Variants in AP4E1 observed in about 807,000 individuals in gnomAD.
AP4E1 encodes adaptor related protein complex 4 subunit epsilon 1.
A neutral mutation model predicts 128.2 loss-of-function variants in AP4E1; 56 were observed. That is an observed-to-expected ratio of 0.44 (90% CI 0.35 to 0.55). The LOEUF is 0.55. AP4E1 is among the 20% of genes least tolerant of loss of function. The pLI, the probability that AP4E1 is intolerant of heterozygous loss-of-function variation, is 0.00. For missense variants in AP4E1, 1,324 were observed against 1,307.7 expected (o/e 1.01, Z -0.19); for synonymous variants, 484 against 473.1 (o/e 1.02, Z -0.30).
chr15:50,912,161 T>C lies in AP4E1; in HGVS notation c.222+12T>C. The C allele has an allele frequency of 1.2e-6, 2 of 1,608,154 alleles. No individual in the cohort carries two copies. Among genetic ancestry groups the C allele is most frequent in the South Asian group, 1.1e-5 (1 of 90,788 alleles). ...CTACTACAACACTGGTAGGTTTGCA[T>C]AGTCAGTGCCAACACATTTGAATTT... is the stretch of plus-strand genomic sequence containing the variant. On this transcript the variant is annotated intron_variant, in intron 2 of 20. Coordinates refer to ENST00000261842, the MANE Select transcript of AP4E1 (RefSeq NM_007347.5).
chr15:50,949,930 T>C lies in AP4E1; in HGVS notation c.1421T>C (p.Leu474Pro). 1.2e-6 allele frequency: 2 copies of C among 1,611,656 alleles called. No homozygotes were observed. The highest frequency in any genetic ancestry group is 1.7e-6 in the Non-Finnish European group (2 of 1,177,848). The change falls in exon 12 of 21, where the codon CTA becomes CCA. Residue 474 changes from leucine (L) to proline (P), a missense_variant. By Grantham distance (98) the Leu-to-Pro change is moderately conservative. Coordinates refer to ENST00000261842, the MANE Select transcript of AP4E1 (RefSeq NM_007347.5). ...ATTCCCAATAACTTTCTGAGACTAC[T>C]AGCGGAAGGTTGGTACACTATTATA... is the stretch of plus-strand genomic sequence containing the variant. The part of the protein sequence containing the change: ...PDIPNNFLRL[L>P]AEGFDDETED...
intron 13 of AP4E1, among the ~76,000 whole-genome samples, chr15:50,951,726 C>CTTTT (rs71127166): frequency 3.7e-4 from 46 of 126,014 alleles, no homozygotes; most frequent in East Asian, 4.5e-4. Flanking sequence ...AATTTTCTTT[C>CTTTT]TTTTTTTTTT....
chr15:50,985,303 C>A (rs966250479), intron 16 of AP4E1, among the ~76,000 whole-genome samples: 12 of 152,180 alleles, frequency 7.9e-5, no homozygotes, highest in African/African-American at 2.9e-4. Context: ...TGCAGAAGCT[C>A]TTTCGTTTAA....
intron 3 of AP4E1, chr15:50,915,959 T>C (rs752062791): frequency 1.9e-5 from 4 of 207,822 alleles, no homozygotes; most frequent in Non-Finnish European, 2.9e-5. Flanking sequence ...ACAGAGTCTC[T>C]CTGTGTTGCC....
At chr15:50,968,470 T>A in intron 15 of AP4E1, 93 bp downstream of exon 15, 1 of 939,490 alleles carries the variant, frequency 1.1e-6, no homozygotes, top group Non-Finnish European at 1.6e-6. Context: ...ATATTTACTT[T>A]CTATTATTTC....
chr15:50,954,768 A>G (rs578091450), intron 13 of AP4E1, among the ~76,000 whole-genome samples: 57 of 152,316 alleles, frequency 3.7e-4, no homozygotes, highest in African/African-American at 1.3e-3. Context: ...ATATGTATAC[A>G]TGTGCCATGT....
intron 13 of AP4E1, among the ~76,000 whole-genome samples, chr15:50,955,505 T>C (rs1192756984): frequency 6.6e-6 from 1 of 152,242 alleles, no homozygotes; most frequent in Non-Finnish European, 1.5e-5. Context: ...TCAGTTCTTC[T>C]ATATCCTTGC....
At chr15:50,970,885 A>T (rs2064469116) in intron 15 of AP4E1, among the ~76,000 whole-genome samples, 1 of 151,970 alleles carries the variant, frequency 6.6e-6, no homozygotes, top group South Asian at 2.1e-4. Flanking sequence ...ATGGGCGAGG[A>T]TTTGCTGCTA....
In AP4E1 at chr15:51,002,717, T is replaced by G; in HGVS notation, c.*55T>G. 4 of 1,601,062 alleles carry G rather than the reference T, an allele frequency of 2.5e-6. No individual in the cohort carries two copies. The Admixed American group carries it at 6.7e-5, about 27-fold the overall frequency. On this transcript the variant is annotated 3_prime_UTR_variant, in exon 21 of 21. Transcript: ENST00000261842. The stretch of plus-strand genomic sequence containing the variant: ...AGATCAATGGTTTACATAGATAAAC[T>G]TATTTACCAAAGTAAAAAGAACTCA...
At chr15:50,925,521 G>A (rs945345336) in intron 5 of AP4E1, among the ~76,000 whole-genome samples, 1 of 152,084 alleles carries the variant, frequency 6.6e-6, no homozygotes, top group African/African-American at 2.4e-5. Flanking sequence ...GGGGTTGGTT[G>A]AAGCTCCTTA....
intron 16 of AP4E1, among the ~76,000 whole-genome samples, chr15:50,991,423 G>A (rs2064805463): frequency 6.6e-6 from 1 of 152,146 alleles, no homozygotes; most frequent in South Asian, 2.1e-4. Context: ...ATTCCCTAGA[G>A]GTGCTTCTTT....
At chr15:50,925,490 C>T (rs1170342635) in intron 5 of AP4E1, among the ~76,000 whole-genome samples, 1 of 152,140 alleles carries the variant, frequency 6.6e-6, no homozygotes, top group Admixed American at 6.5e-5. Context: ...GAGCAGTGGT[C>T]TTGTTTTTCC....
intron 15 of AP4E1, among the ~76,000 whole-genome samples, chr15:50,983,503 A>G (rs2064670534): frequency 6.6e-6 from 1 of 152,208 alleles, no homozygotes; most frequent in East Asian, 1.9e-4. Context: ...CCACAGTAAC[A>G]ACATGAATTT....
rs2065011092 is a variant in AP4E1 at position 51,005,757 on chromosome 15, G to C, written c.*3095G>C. 1 of 152,518 alleles carries C rather than the reference G, an allele frequency of 6.6e-6. No individual in the cohort carries two copies. Among genetic ancestry groups the C allele is most frequent in the Non-Finnish European group, 1.5e-5 (1 of 68,020 alleles). 9.4% of individuals were successfully genotyped at this position (152,518 alleles called of 1,614,324 possible). On this transcript the variant is annotated 3_prime_UTR_variant, in exon 21 of 21. Transcript: ENST00000261842. ...ACTGAACCTATTCACATGTCTTTAA[G>C]ATGTTTTGCTGTGTTAAAATTTTAG...
chr15:50,941,585 G>A (rs1416488254), intron 9 of AP4E1, 21 bp downstream of exon 9: 1 of 1,612,504 alleles, frequency 6.2e-7, no homozygotes, highest in Non-Finnish European at 8.5e-7. Context: ...TGGTTCTTTT[G>A]ACAGAAATTA....
At chr15:50,980,727 C>G (rs2064632462) in intron 15 of AP4E1, among the ~76,000 whole-genome samples, 2 of 152,238 alleles carry the variant, frequency 1.3e-5, no homozygotes, top group South Asian at 4.1e-4. Context: ...GCTTGCTGCC[C>G]AGAGCTGCCT....
At chr15:50,930,228 C>T (rs940735452) in intron 6 of AP4E1, among the ~76,000 whole-genome samples, 28 of 136,788 alleles carry the variant, frequency 2.0e-4, no homozygotes, top group Non-Finnish European at 6.2e-5. Flanking sequence ...CCACCACACC[C>T]GGCTTATTTG....
rs764568243 is a variant in AP4E1 at position 50,999,146 on chromosome 15, G to C, written c.2979G>C (p.Gln993His). 21 of 1,613,884 alleles carry C rather than the reference G, an allele frequency of 1.3e-5. No homozygotes were observed. In the South Asian group the frequency reaches 2.2e-4, roughly 17 times the overall value. The change falls in exon 19 of 21, where the codon CAG becomes CAC. Residue 993 changes from glutamine (Q) to histidine (H), a missense_variant. Coordinates refer to ENST00000261842, the MANE Select transcript of AP4E1 (RefSeq NM_007347.5). ...ESTKSFQYSV[Q>H]IEKPFTEGNL... ...CCAAAAGCTTTCAATATAGTGTGCA[G>C]ATAGAAAAACCTTTTACAGAAGGAA...
intron 8 of AP4E1, among the ~76,000 whole-genome samples, chr15:50,939,851 A>G (rs2063959192): frequency 6.6e-6 from 1 of 152,266 alleles, no homozygotes; most frequent in South Asian, 2.1e-4. Flanking sequence ...TAGGACTGTC[A>G]TGGTAGTTCA....
Sources: allele counts gnomAD v4.1 joint callset (sites outside exome capture counted in the v4.1 genomes callset), GRCh38; gene constraint gnomAD v4.1.1; transcripts MANE v1.5; gene names NCBI Gene and HGNC (gene_info 2026-07-23, HGNC 2026-07-21).